Variants in PPME1 observed in about 807,000 individuals in gnomAD.
The protein encoded by PPME1 is protein phosphatase methylesterase 1, also known as testicular secretory protein Li 39.
A neutral mutation model predicts 56.9 loss-of-function variants in PPME1; 17 were observed. The ratio of observed to expected loss-of-function variants is 0.30; its 90% CI spans 0.20 to 0.45. The LOEUF is 0.45. Ranked by LOEUF, PPME1 falls within the 20% of genes least tolerant of loss-of-function variation. The pLI is 1.00. For synonymous variants in PPME1, 122 were observed against 156.2 expected, an observed-to-expected ratio of 0.78 and a Z score of 1.63; for missense variants, 357 against 483.2, an observed-to-expected ratio of 0.74 and a Z score of 2.45.
chr11:74,217,011 G>A (rs1858664516), intron 3 of PPME1, among the ~76,000 whole-genome samples: 1 of 152,102 alleles, frequency 6.6e-6, no homozygotes, highest in African/African-American at 2.4e-5. Context: ...GGGACCTGAT[G>A]GCTTCACTGC....
intron 1 of PPME1, among the ~76,000 whole-genome samples, chr11:74,179,410 A>G (rs1036243136): frequency 5.9e-5 from 9 of 152,284 alleles, no homozygotes; most frequent in South Asian, 2.1e-4. Flanking sequence ...TGGGAGAATC[A>G]CTTGAGCCTG....
Position 74,230,850 on chromosome 11 carries a change from C to G in PPME1, c.554-62C>G. 1.6e-6 allele frequency: 2 copies of G among 1,214,302 alleles called. No homozygotes were observed. Among genetic ancestry groups the G allele is most frequent in the Non-Finnish European group, 2.4e-6 (2 of 839,752 alleles). 75.2% of individuals were successfully genotyped at this position (1,214,302 alleles called of 1,614,324 possible). A position where few individuals can be genotyped will look rare whatever the true frequency, so the allele number is the denominator to read the frequency against. Reference sequence around the variant, plus strand: ...AAGAGCAGATATATAGTAGTTGACTCAGTAAGTGTAAATGCTCAGAATAAG... The same window carrying G: ...AAGAGCAGATATATAGTAGTTGACTGAGTAAGTGTAAATGCTCAGAATAAG... On this transcript the variant is annotated intron_variant, in intron 6 of 13. Transcript: ENST00000328257. The surrounding 1 kb of genome is among the most constrained non-coding windows in gnomAD (Gnocchi z 4.9).
chr11:74,212,595 T>C (rs904321611), intron 3 of PPME1, among the ~76,000 whole-genome samples: 6 of 152,050 alleles, frequency 3.9e-5, no homozygotes, highest in Non-Finnish European at 7.4e-5. Context: ...AGAGACTCCT[T>C]CTTTCTGCTT....
intron 3 of PPME1, among the ~76,000 whole-genome samples, chr11:74,210,094 T>C (rs1858434274): frequency 6.6e-6 from 1 of 152,182 alleles, no homozygotes; most frequent in South Asian, 2.1e-4. Context: ...ATTCACTTGC[T>C]CATTCACCTA....
At chr11:74,172,621 C>T (rs540818088) in intron 1 of PPME1, among the ~76,000 whole-genome samples, 1 of 151,986 alleles carries the variant, frequency 6.6e-6, no homozygotes, top group South Asian at 2.1e-4. Context: ...ATACTTGGGC[C>T]GAGGAGAAAG....
chr11:74,225,492 C>T (rs1048775935), intron 5 of PPME1, among the ~76,000 whole-genome samples: 24 of 152,144 alleles, frequency 1.6e-4, no homozygotes, highest in African/African-American at 5.3e-4. Flanking sequence ...CATGAAAATT[C>T]TTCAAGGCAC....
chr11:74,231,339 G>C (rs1859062500), intron 7 of PPME1, among the ~76,000 whole-genome samples: 1 of 152,230 alleles, frequency 6.6e-6, no homozygotes. Flanking sequence ...CTGGCCTCAA[G>C]TAATCCTCCC....
intron 3 of PPME1, among the ~76,000 whole-genome samples, chr11:74,222,091 A>C (rs1164913190): frequency 6.6e-6 from 1 of 152,220 alleles, no homozygotes; most frequent in African/African-American, 2.4e-5. Flanking sequence ...AGAGGGATTT[A>C]GGTAGAGAAA....
intron 3 of PPME1, among the ~76,000 whole-genome samples, chr11:74,210,699 G>C (rs1858449640): frequency 1.3e-5 from 2 of 152,134 alleles, no homozygotes; most frequent in Non-Finnish European, 2.9e-5. Context: ...CTTCCACCAT[G>C]AGTGGAAGCA....
intron 8 of PPME1, among the ~76,000 whole-genome samples, chr11:74,236,546 C>G (rs149660145): frequency 3.3e-4 from 51 of 152,266 alleles, no homozygotes; most frequent in African/African-American, 1.1e-3. Context: ...GCTTTGAGTG[C>G]TTACTATTTG....
chr11:74,253,619 C>T lies in PPME1; in HGVS notation c.*109C>T. 1.6e-6 allele frequency: 2 copies of T among 1,265,604 alleles called. No individual in the cohort carries two copies. The highest frequency in any genetic ancestry group is 2.4e-5 in the South Asian group (2 of 83,318). 78.4% of individuals were successfully genotyped at this position (1,265,604 alleles called of 1,614,324 possible). ...CTCCATCCCGCCCAGCCATGTGACA[C>T]TGGCTCCCGGTAGACGGGCACCCCG... On this transcript the variant is annotated 3_prime_UTR_variant, in exon 14 of 14. Coordinates refer to ENST00000328257, the MANE Select transcript of PPME1 (RefSeq NM_016147.3).
At position 74,251,780 on chromosome 11, in the gene PPME1, T is replaced by C. The variant is rs142436392; in HGVS notation, c.1142+65T>C. On this transcript the variant is annotated intron_variant, in intron 13 of 13. Coordinates refer to ENST00000328257, the MANE Select transcript of PPME1 (RefSeq NM_016147.3). ...GCCGAATCTGACAAGCAGACACTTG[T>C]AGGACTGTAAATATCTCTGCCTTAC... 8,082 of 1,584,036 alleles carry C rather than the reference T, an allele frequency of 5.1e-3. 92 individuals carry two copies. The highest frequency in any genetic ancestry group is 0.039 in the Middle Eastern group (236 of 6,012).
chr11:74,183,966 A>T (rs1277438197), intron 1 of PPME1, among the ~76,000 whole-genome samples: 1 of 152,210 alleles, frequency 6.6e-6, no homozygotes, highest in East Asian at 1.9e-4. Flanking sequence ...AGAGAAGTAA[A>T]TGGGAGGGAG....
chr11:74,251,229 T>G, intron 12 of PPME1: 1 of 1,403,154 alleles, frequency 7.1e-7, no homozygotes, highest in East Asian at 2.6e-5. Context: ...ACTGACACTC[T>G]GCTATTTCAT....
intron 9 of PPME1, chr11:74,243,664 C>G (rs979287154): frequency 3.3e-5 from 5 of 152,004 alleles, no homozygotes; most frequent in Non-Finnish European, 7.4e-5. Context: ...GATGGAAGAC[C>G]AAGGCCCAAA....
At chr11:74,242,464 T>C (rs1255020933) in intron 9 of PPME1, among the ~76,000 whole-genome samples, 1 of 152,186 alleles carries the variant, frequency 6.6e-6, no homozygotes, top group Non-Finnish European at 1.5e-5. Flanking sequence ...TCCTATATAT[T>C]TTTTAAAAAT....
chr11:74,203,814 G>T lies in PPME1; in HGVS notation c.188G>T (p.Gly63Val), dbSNP rs781012190. ...GATGTAGAAGTAGAGAATGAAACTG[G>T]CAAGGATATATCCTTTGCAAAATGG... Reference protein sequence around the residue: ...MEDVEVENETGKDTFRVYKSG... With the variant: ...MEDVEVENETVKDTFRVYKSG... The change falls in exon 2 of 14, where the codon GGC (glycine) becomes GTC (valine). Residue 63 changes from glycine (G) to valine (V), a missense_variant. Around this residue, in one of 2 missense-constraint regions of PPME1, gnomAD observed 175 missense variants for 189.4 expected, o/e 0.92. Coordinates refer to ENST00000328257, the MANE Select transcript of PPME1 (RefSeq NM_016147.3). The T allele has an allele frequency of 6.2e-7, 1 of 1,608,076 alleles. No homozygotes were observed.
intron 5 of PPME1, 38 bp downstream of exon 5, chr11:74,225,294 C>G: frequency 7.3e-7 from 1 of 1,375,068 alleles, no homozygotes; most frequent in South Asian, 1.3e-5. Flanking sequence ...TGCCTGTCTC[C>G]CATCACTATT....
intron 7 of PPME1, among the ~76,000 whole-genome samples, chr11:74,234,808 C>T (rs932999333): frequency 2.0e-5 from 3 of 151,978 alleles, no homozygotes; most frequent in Admixed American, 6.6e-5. Context: ...TTTTTAAAGG[C>T]TGGATAATGG....
Sources: gnomAD v4.1 joint callset for allele counts (sites outside exome capture counted in the v4.1 genomes callset) on GRCh38, gnomAD v4.1.1 for gene constraint, gnomAD v4.1.1 regional missense constraint, Gnocchi (gnomAD v3.1) non-coding constraint, MANE v1.5 for transcripts, NCBI Gene and HGNC (gene_info 2026-07-23, HGNC 2026-07-21) for gene names.